PXDNL: variants seen among roughly 807,000 people sequenced by gnomAD.
PXDNL encodes the protein peroxidasin like.
In PXDNL, 145 loss-of-function variants were observed where a neutral mutation model predicts 150.8. The ratio of observed to expected loss-of-function variants is 0.96; its 90% CI spans 0.84 to 1.10. The LOEUF (loss-of-function observed/expected upper bound fraction) is 1.10. Among genes scored for constraint, PXDNL ranks in the 50% least tolerant of loss-of-function variants. The pLI, the probability that PXDNL is intolerant of heterozygous loss-of-function variation, is 0.00. For missense variants in PXDNL, 2,087 were observed against 1,873.9 expected (o/e 1.11, Z -2.10); for synonymous variants, 757 against 725.7 (o/e 1.04, Z -0.69).
At chr8:51,671,660 C>T (rs909641821) in intron 1 of PXDNL, among the ~76,000 whole-genome samples, 1 of 152,076 alleles carries the variant, frequency 6.6e-6, no homozygotes, top group Admixed American at 6.5e-5. Flanking sequence ...CCAGACTGCT[C>T]CCCCAGGACT....
At chr8:51,608,054 A>AAAGAAAGCAAGCAAGCAAGCAAGC (rs1554557536) in intron 2 of PXDNL, among the ~76,000 whole-genome samples, 1 of 111,596 alleles carries the variant, frequency 9.0e-6, no homozygotes, top group Admixed American at 8.6e-5. Flanking sequence ...AGAAAGAAAG[A>AAAGAAAGCAAGCAAGCAAGCAAGC]AAGCAAGCAA....
At chr8:51,404,627 A>G (rs1054298091) in intron 17 of PXDNL, among the ~76,000 whole-genome samples, 1 of 151,960 alleles carries the variant, frequency 6.6e-6, no homozygotes, top group Non-Finnish European at 1.5e-5. Context: ...CTTGCGCTAG[A>G]CACAGGGTGC....
chr8:51,602,753 A>T (rs1348643298), intron 2 of PXDNL, among the ~76,000 whole-genome samples: 3 of 151,678 alleles, frequency 2.0e-5, no homozygotes, highest in Non-Finnish European at 4.4e-5. Flanking sequence ...GTAAGCAAAA[A>T]ATTAAACGTT....
intron 2 of PXDNL, among the ~76,000 whole-genome samples, chr8:51,610,571 C>G (rs190602575): frequency 1.3e-5 from 2 of 152,198 alleles, no homozygotes; most frequent in African/African-American, 4.8e-5. Context: ...TAACAAATTA[C>G]CGCCAATTCA....
intron 1 of PXDNL, among the ~76,000 whole-genome samples, chr8:51,778,064 T>C (rs60153173): frequency 0.18 from 27,458 of 151,858 alleles, 2,882 homozygotes; most frequent in Non-Finnish European, 0.23. Context: ...TGGCCGGGTG[T>C]GGTGGCTCAC....
intron 2 of PXDNL, among the ~76,000 whole-genome samples, chr8:51,610,051 C>A (rs972916902): frequency 6.6e-6 from 1 of 151,918 alleles, no homozygotes; most frequent in Non-Finnish European, 1.5e-5. Context: ...TTTTTCAACA[C>A]GCAGCTCTAG....
intron 17 of PXDNL, among the ~76,000 whole-genome samples, chr8:51,391,357 A>G (rs975080602): frequency 2.0e-5 from 3 of 152,274 alleles, no homozygotes; most frequent in African/African-American, 7.2e-5. Context: ...CAGTCCCACC[A>G]ACAGTGTAAA....
Position 51,734,641 on chromosome 8 carries a change from G to T in PXDNL, c.164+74540C>A, listed in dbSNP as rs182905816. Among the ~76,000 whole-genome samples the T allele has an allele frequency of 6.6e-5, 10 of 152,292 alleles. No homozygotes were observed. The East Asian group carries it at 1.9e-3, about 29-fold the overall frequency. On this transcript the variant is annotated intron_variant, in intron 1 of 22. Transcript: ENST00000356297. Reference sequence around the variant, plus strand: ...CAAGTATTTTTCTAAATACATGGCAGAAATACCAGACAAAACCATCTGGTA... The same window carrying T: ...CAAGTATTTTTCTAAATACATGGCATAAATACCAGACAAAACCATCTGGTA...
chr8:51,537,534 T>A (rs1387607161), intron 4 of PXDNL, among the ~76,000 whole-genome samples: 1 of 152,142 alleles, frequency 6.6e-6, no homozygotes, highest in Non-Finnish European at 1.5e-5. Flanking sequence ...GTGATCCCAG[T>A]CAGTCACAAG....
At chr8:51,539,352 T>A (rs1812161847) in intron 4 of PXDNL, among the ~76,000 whole-genome samples, 1 of 152,140 alleles carries the variant, frequency 6.6e-6, no homozygotes, top group African/African-American at 2.4e-5. Flanking sequence ...TTTTCTTATA[T>A]TGCTGAACTC....
In PXDNL at chr8:51,409,268, C is replaced by G. The variant is rs1197882441; in HGVS notation, c.2356G>C (p.Val786Leu). The part of the protein sequence containing the change: ...PLPPPRLVAT[V>L]WARAAAVTPD... ...GTGACGGCCGCCGCGCGCGCCCACA[C>G]TGTGGCGACCAGCCGGGGCGGCGGG... is the stretch of plus-strand genomic sequence containing the variant. The change falls in exon 17 of 23, where the codon GTG becomes CTG. Residue 786 changes from valine to leucine, a missense_variant. Physicochemically the swap from Val to Leu is conservative, Grantham distance 32. Coordinates refer to ENST00000356297, the MANE Select transcript of PXDNL (RefSeq NM_144651.5). 6.9e-7 allele frequency: 1 copy of G among 1,447,104 alleles called. No homozygotes were observed. The highest frequency in any genetic ancestry group is 9.0e-7 in the Non-Finnish European group (1 of 1,105,760). 89.6% of individuals were successfully genotyped at this position (1,447,104 alleles called of 1,614,324 possible). A position where few individuals can be genotyped will look rare whatever the true frequency, so the allele number is the denominator to read the frequency against.
At chr8:51,491,034 C>A (rs1039724534) in intron 5 of PXDNL, among the ~76,000 whole-genome samples, 1 of 151,962 alleles carries the variant, frequency 6.6e-6, no homozygotes, top group African/African-American at 2.4e-5. Flanking sequence ...CAGCTGCCGG[C>A]GTGGCCAGAA....
chr8:51,405,023 C>T (rs928538489), intron 17 of PXDNL, among the ~76,000 whole-genome samples: 1 of 152,110 alleles, frequency 6.6e-6, no homozygotes, highest in Non-Finnish European at 1.5e-5. Flanking sequence ...CGGGACCCAG[C>T]GCACCCTCCG....
intron 2 of PXDNL, among the ~76,000 whole-genome samples, chr8:51,621,569 G>A (rs1437718674): frequency 1.3e-5 from 2 of 151,710 alleles, no homozygotes; most frequent in African/African-American, 4.8e-5. Context: ...CCAGACCCCA[G>A]GATCTATTCC....
chr8:51,544,840 CT>C (rs1260142699), intron 4 of PXDNL, among the ~76,000 whole-genome samples: 1 of 152,036 alleles, frequency 6.6e-6, no homozygotes, highest in Admixed American at 6.6e-5. Context: ...TTATCTCTGC[CT>C]TCCTCAAAAA....
At chr8:51,412,128 A>C (rs1586085604) in intron 15 of PXDNL, among the ~76,000 whole-genome samples, 1 of 152,214 alleles carries the variant, frequency 6.6e-6, no homozygotes, top group Admixed American at 6.5e-5. Context: ...AAAGAAATTT[A>C]AAAGCACTGA....
Position 51,409,352 on chromosome 8 carries a change from G to A in PXDNL, c.2272C>T (p.Arg758Trp), listed in dbSNP as rs755100455. ...AFARLLQPAY[R>W]DGIRAPRGLG... Reference sequence around the variant, plus strand: ...CCGCGGGGCGCGCGGATGCCGTCCCGGTAGGCTGGCTGCAGCAGGCGCGCG... The same window carrying A: ...CCGCGGGGCGCGCGGATGCCGTCCCAGTAGGCTGGCTGCAGCAGGCGCGCG... The change falls in exon 17 of 23, where the codon CGG becomes TGG. Residue 758 changes from arginine (R) to tryptophan (W), a missense_variant. By Grantham distance (101) the Arg-to-Trp change is moderately radical. Transcript: ENST00000356297. 27 of 1,541,416 alleles carry A rather than the reference G, an allele frequency of 1.8e-5. No homozygotes were observed. The highest frequency in any genetic ancestry group is 2.5e-5 in the East Asian group (1 of 39,786).
intron 2 of PXDNL, among the ~76,000 whole-genome samples, chr8:51,639,240 G>C (rs1470608246): frequency 1.3e-5 from 2 of 152,174 alleles, no homozygotes; most frequent in African/African-American, 2.4e-5. Flanking sequence ...ATGCCCACAA[G>C]AGAAAGCAAG....
chr8:51,392,790 G>A (rs1313722660), intron 17 of PXDNL, among the ~76,000 whole-genome samples: 8 of 152,274 alleles, frequency 5.3e-5, no homozygotes, highest in Non-Finnish European at 7.4e-5. Context: ...AATAGGAGTG[G>A]TGAGAGAGGG....
Sources: gnomAD v4.1 joint callset for allele counts (sites outside exome capture counted in the v4.1 genomes callset) on GRCh38, gnomAD v4.1.1 for gene constraint, MANE v1.5 for transcripts, NCBI Gene and HGNC (gene_info 2026-07-23, HGNC 2026-07-21) for gene names.